CDH12: variants seen among roughly 807,000 people sequenced by gnomAD.
CDH12 encodes the protein cadherin-12.
CDH12 carries 41 observed loss-of-function variants against 74.1 expected under a neutral mutation model. That is an observed-to-expected ratio of 0.55 (90% CI 0.43 to 0.72). The LOEUF (loss-of-function observed/expected upper bound fraction) is 0.72, where lower values mean the gene tolerates loss of function less well. Ranked by LOEUF, CDH12 falls within the 30% of genes least tolerant of loss-of-function variation. CDH12 has a pLI of 0.00. For missense variants in CDH12, 945 were observed against 977.2 expected (o/e 0.97, Z 0.44); for synonymous variants, 399 against 355.0 (o/e 1.12, Z -1.39).
At chr5:22,668,130 T>C (rs745965186) in intron 1 of CDH12, among the ~76,000 whole-genome samples, 5 of 152,078 alleles carry the variant, frequency 3.3e-5, no homozygotes, top group Non-Finnish European at 1.5e-5. Flanking sequence ...TGCTACTTAG[T>C]CTTTCTAATT....
intron 2 of CDH12, among the ~76,000 whole-genome samples, chr5:22,485,696 T>C (rs954002862): frequency 3.9e-5 from 6 of 152,212 alleles, no homozygotes; most frequent in African/African-American, 1.2e-4. Flanking sequence ...CCTTATCTTA[T>C]ATATTCACAT....
chr5:21,916,864 C>T (rs955694017), intron 6 of CDH12, among the ~76,000 whole-genome samples: 9 of 152,192 alleles, frequency 5.9e-5, no homozygotes, highest in Non-Finnish European at 1.2e-4. Context: ...ATTTTGTTAG[C>T]ATTTGCTTTA....
chr5:22,510,608 A>C (rs561671718), intron 1 of CDH12, among the ~76,000 whole-genome samples: 1 of 152,306 alleles, frequency 6.6e-6, no homozygotes, highest in East Asian at 1.9e-4. Context: ...TCTTTTATGT[A>C]AAAAGGAATA....
chr5:22,488,756 C>A (rs1746713814), intron 2 of CDH12, among the ~76,000 whole-genome samples: 2 of 152,082 alleles, frequency 1.3e-5, no homozygotes, highest in African/African-American at 4.8e-5. Context: ...GCTTACCCTG[C>A]CTCATCAGCC....
At chr5:21,819,268 T>C (rs567168319) in intron 8 of CDH12, among the ~76,000 whole-genome samples, 2 of 152,152 alleles carry the variant, frequency 1.3e-5, no homozygotes, top group South Asian at 4.1e-4. Context: ...ACTCCTGAGA[T>C]ATTAGGAAAT....
At chr5:21,752,282 G>A (rs779271746) in intron 14 of CDH12, 46 bp from the exon 15 acceptor site, 1 of 1,520,576 alleles carries the variant, frequency 6.6e-7, no homozygotes, top group Non-Finnish European at 8.8e-7. Context: ...AAGCAGATAG[G>A]TCATTTCATC....
intron 3 of CDH12, among the ~76,000 whole-genome samples, chr5:22,249,827 T>C (rs1457824832): frequency 6.6e-6 from 1 of 151,982 alleles, no homozygotes; most frequent in Non-Finnish European, 1.5e-5. Flanking sequence ...TTTTGTTGTA[T>C]TGCATATTTT....
At chr5:22,747,091 A>C (rs1745329481) in intron 1 of CDH12, among the ~76,000 whole-genome samples, 1 of 152,186 alleles carries the variant, frequency 6.6e-6, no homozygotes, top group South Asian at 2.1e-4. Flanking sequence ...CTAGATCTTG[A>C]AAGTGATGTG....
chr5:21,966,303 C>T (rs1756582858), intron 6 of CDH12, among the ~76,000 whole-genome samples: 1 of 151,814 alleles, frequency 6.6e-6, no homozygotes, highest in African/African-American at 2.4e-5. Context: ...ACATACTTTT[C>T]TGTGAAGGAC....
intron 1 of CDH12, among the ~76,000 whole-genome samples, chr5:22,605,000 G>A (rs999074353): frequency 6.6e-6 from 1 of 152,130 alleles, no homozygotes; most frequent in Admixed American, 6.5e-5. Flanking sequence ...CACAGGTGAT[G>A]GTTAATTTTA....
chr5:22,642,533 G>A (rs1739205213), intron 1 of CDH12, among the ~76,000 whole-genome samples: 1 of 152,134 alleles, frequency 6.6e-6, no homozygotes, highest in Non-Finnish European at 1.5e-5. Flanking sequence ...AGAATAAATT[G>A]TATTACACTT....
At chr5:22,811,078 CATAT>C (rs1226847808) in intron 1 of CDH12, among the ~76,000 whole-genome samples, 1 of 151,042 alleles carries the variant, frequency 6.6e-6, no homozygotes, top group African/African-American at 2.4e-5. Context: ...TGTATACATA[CATAT>C]ATACACACGT....
Position 21,975,251 on chromosome 5 carries a change from T to C in CDH12, c.366A>G (p.Lys122=). 2 of 1,597,318 alleles carry C rather than the reference T, an allele frequency of 1.3e-6. No individual in the cohort carries two copies. Among genetic ancestry groups the C allele is most frequent in the East Asian group, 2.2e-5 (1 of 44,834 alleles). The change falls in exon 6 of 15, where the codon AAA becomes AAG. Residue 122 remains lysine (K), a synonymous_variant. Transcript: ENST00000382254. ...CCTGAGCACGAAGAGTGTAGAAAGG[T>C]TTCTCTTCTCTATCTAGGCTCCTTA... The part of the protein sequence containing the change: ...HAIRSLDREE[K]PFYTLRAQAV...
At chr5:22,419,927 G>C (rs756042232) in intron 2 of CDH12, among the ~76,000 whole-genome samples, 3 of 152,034 alleles carry the variant, frequency 2.0e-5, no homozygotes, top group Non-Finnish European at 4.4e-5. Flanking sequence ...TCTCATGTTT[G>C]TTGGCCACAT....
At chr5:22,038,688 G>A (rs1201549760) in intron 5 of CDH12, among the ~76,000 whole-genome samples, 1 of 152,104 alleles carries the variant, frequency 6.6e-6, no homozygotes, top group Non-Finnish European at 1.5e-5. Context: ...CTGGGCCTTG[G>A]CCATCCAGAG....
intron 1 of CDH12, among the ~76,000 whole-genome samples, chr5:22,611,613 C>T (rs1737404791): frequency 6.6e-6 from 1 of 152,050 alleles, no homozygotes; most frequent in Non-Finnish European, 1.5e-5. Flanking sequence ...TAACCAGAAA[C>T]CAGAGTATTA....
chr5:22,714,380 C>T (rs773793861), intron 1 of CDH12, among the ~76,000 whole-genome samples: 1 of 152,114 alleles, frequency 6.6e-6, no homozygotes, highest in African/African-American at 2.4e-5. Context: ...TGCATACCTG[C>T]TCCATGGAGC....
chr5:22,549,219 C>T (rs972975170), intron 1 of CDH12, among the ~76,000 whole-genome samples: 5 of 152,008 alleles, frequency 3.3e-5, no homozygotes, highest in East Asian at 3.9e-4. Context: ...GCAATCCTCC[C>T]GCCTAGGACT....
At chr5:21,890,754 C>T (rs868655600) in intron 6 of CDH12, among the ~76,000 whole-genome samples, 19 of 151,914 alleles carry the variant, frequency 1.3e-4, no homozygotes, top group Middle Eastern at 3.4e-3. Flanking sequence ...ATTTGAAAAA[C>T]GAAATAACGC....
Sources: allele counts gnomAD v4.1 joint callset (sites outside exome capture counted in the v4.1 genomes callset), GRCh38; gene constraint gnomAD v4.1.1; transcripts MANE v1.5; gene names NCBI Gene and HGNC (gene_info 2026-07-23, HGNC 2026-07-21).